The following COBL variants were observed in gnomAD, a reference collection of about 807,000 sequenced individuals.
The protein encoded by COBL is cordon-bleu WH2 repeat protein.
In COBL, 51 loss-of-function variants were observed where a neutral mutation model predicts 98.8. That is an observed-to-expected ratio of 0.52 (90% CI 0.41 to 0.65). The LOEUF is 0.65. Among genes scored for constraint, COBL ranks in the 30% least tolerant of loss-of-function variants. The pLI is 0.00. For missense variants in COBL, 1,617 were observed against 1,617.5 expected (o/e 1.00, Z 0.01); for synonymous variants, 634 against 651.7 (o/e 0.97, Z 0.41).
chr7:51,142,271 G>A (rs979458896), intron 5 of COBL, among the ~76,000 whole-genome samples: 7 of 152,010 alleles, frequency 4.6e-5, no homozygotes, highest in East Asian at 1.9e-4. Context: ...ATTTGGTCTG[G>A]ATGCATACTT....
chr7:51,207,653 A>G (rs1791886003), intron 2 of COBL, among the ~76,000 whole-genome samples: 1 of 152,224 alleles, frequency 6.6e-6, no homozygotes, highest in Non-Finnish European at 1.5e-5. Flanking sequence ...GCTGGTCTCC[A>G]GCTCCTAACC....
intron 1 of COBL, among the ~76,000 whole-genome samples, chr7:51,307,458 A>C (rs765857932): frequency 2.6e-5 from 4 of 152,230 alleles, no homozygotes; most frequent in Non-Finnish European, 5.9e-5. Context: ...CACAAGGAGC[A>C]GGTTCTGGCC....
chr7:51,121,878 T>C (rs1190191908), intron 6 of COBL, among the ~76,000 whole-genome samples: 1 of 152,190 alleles, frequency 6.6e-6, no homozygotes, highest in African/African-American at 2.4e-5. Context: ...TTTCCCTTCA[T>C]AGTGAAAAAC....
chr7:51,040,192 TA>T (rs34239803), intron 8 of COBL, among the ~76,000 whole-genome samples: 29,447 of 138,990 alleles, frequency 0.21, 4,704 homozygotes, highest in African/African-American at 0.44. Context: ...TAATTTCTGT[TA>T]AAAAAAAAAA....
At chr7:51,283,757 T>G (rs1800019651) in intron 1 of COBL, among the ~76,000 whole-genome samples, 1 of 152,050 alleles carries the variant, frequency 6.6e-6, no homozygotes, top group African/African-American at 2.4e-5. Context: ...AGTGCTGGGA[T>G]TATAGTTGTG....
intron 7 of COBL, among the ~76,000 whole-genome samples, chr7:51,074,779 A>G (rs1218977655): frequency 6.6e-5 from 10 of 152,226 alleles, no homozygotes; most frequent in Admixed American, 6.5e-4. Flanking sequence ...ACTACTTTGC[A>G]GTGGTATTTT....
In COBL at chr7:51,029,441, A is replaced by G; in HGVS notation, c.1655T>C (p.Val552Ala). The G allele has an allele frequency of 6.2e-7, 1 of 1,614,162 alleles. No individual in the cohort carries two copies. The highest frequency in any genetic ancestry group is 2.2e-5 in the East Asian group (1 of 44,886). ...TFIGEVSDDP[V>A]DSGLFSNRNN... is the part of the protein sequence containing the mutation. ...TCTATTGGAAAACAACCCCGAATCC[A>G]CAGGATCATCTGAAACTTCCCCTAT... is the stretch of plus-strand genomic sequence containing the variant. The change falls in exon 10 of 13, where the codon GTG becomes GCG. Residue 552 changes from valine (V) to alanine (A), a missense_variant. By Grantham distance (64) the Val-to-Ala change is moderately conservative (BLOSUM62 0). This residue lies in a region of COBL where 1,304 missense variants were observed against 1,282.0 expected (regional missense o/e 1.02). Transcript: ENST00000265136.
At chr7:51,241,763 C>T (rs1374396217) in intron 1 of COBL, among the ~76,000 whole-genome samples, 1 of 152,176 alleles carries the variant, frequency 6.6e-6, no homozygotes, top group Non-Finnish European at 1.5e-5. Flanking sequence ...AAAGCCTCTT[C>T]CAGACTCATG....
chr7:51,103,739 A>G (rs1446999315), intron 6 of COBL, among the ~76,000 whole-genome samples: 4 of 152,264 alleles, frequency 2.6e-5, no homozygotes, highest in Admixed American at 1.3e-4. Flanking sequence ...ATAATATTAC[A>G]ACTTTTGACA....
At chr7:51,199,118 A>G (rs1477048753) in intron 2 of COBL, among the ~76,000 whole-genome samples, 5 of 152,142 alleles carry the variant, frequency 3.3e-5, no homozygotes, top group Non-Finnish European at 7.4e-5. Context: ...CCTCAGACCC[A>G]ACTGCAGATA....
chr7:51,174,213 C>T (rs1158412084), intron 5 of COBL, among the ~76,000 whole-genome samples: 3 of 152,064 alleles, frequency 2.0e-5, no homozygotes, highest in Non-Finnish European at 4.4e-5. Context: ...TTATGAATTC[C>T]GGCATTTACC....
chr7:51,311,671 G>C (rs367747001), intron 1 of COBL, among the ~76,000 whole-genome samples: 27 of 152,068 alleles, frequency 1.8e-4, no homozygotes, highest in East Asian at 7.7e-4. Context: ...GAAAAATCCA[G>C]AAACACTCAA....
At chr7:51,276,258 A>G (rs1466497530) in intron 1 of COBL, among the ~76,000 whole-genome samples, 12 of 152,186 alleles carry the variant, frequency 7.9e-5, no homozygotes, top group Non-Finnish European at 1.5e-4. Context: ...TGTTTCAGGG[A>G]GGCTGGGGAC....
intron 8 of COBL, chr7:51,032,146 G>GGCCT (rs1465571664): frequency 2.0e-5 from 3 of 152,284 alleles, no homozygotes; most frequent in African/African-American, 7.2e-5. Context: ...TCTGGAACCA[G>GGCCT]GCCTGCCTGC....
At chr7:51,150,333 T>G (rs994206947) in intron 5 of COBL, among the ~76,000 whole-genome samples, 2 of 152,170 alleles carry the variant, frequency 1.3e-5, no homozygotes, top group African/African-American at 4.8e-5. Context: ...GTGCTCATGA[T>G]TGAACGTAGG....
intron 11 of COBL, 133 bp downstream of exon 11, chr7:51,026,413 G>C (rs894761682): frequency 4.1e-6 from 5 of 1,229,574 alleles, no homozygotes; most frequent in Non-Finnish European, 5.6e-6. Flanking sequence ...GGCTGGGATG[G>C]CCACTCTAAA....
At chr7:51,111,450 ACT>A (rs1363507910) in intron 6 of COBL, among the ~76,000 whole-genome samples, 1 of 152,178 alleles carries the variant, frequency 6.6e-6, no homozygotes, top group African/African-American at 2.4e-5. Flanking sequence ...GTTTGTATTC[ACT>A]GTCACTAGCT....
At chr7:51,163,066 A>G (rs1337180188) in intron 5 of COBL, among the ~76,000 whole-genome samples, 1 of 152,238 alleles carries the variant, frequency 6.6e-6, no homozygotes, top group Non-Finnish European at 1.5e-5. Flanking sequence ...TGCCTCTCAC[A>G]GCCCAGACAG....
intron 7 of COBL, chr7:51,083,259 C>G: frequency 2.8e-6 from 4 of 1,431,178 alleles, no homozygotes; most frequent in Non-Finnish European, 3.6e-6. Flanking sequence ...GTTACTTCAG[C>G]AGGTTAAACC....
Sources: gnomAD v4.1 joint callset for allele counts (sites outside exome capture counted in the v4.1 genomes callset) on GRCh38, gnomAD v4.1.1 for gene constraint, gnomAD v4.1.1 regional missense constraint, MANE v1.5 for transcripts, NCBI Gene and HGNC (gene_info 2026-07-23, HGNC 2026-07-21) for gene names.